Variants in NEDD4L observed in about 807,000 individuals in gnomAD.
NEDD4L encodes E3 ubiquitin-protein ligase NEDD4-like.
Under a neutral mutation model 148.9 loss-of-function variants are expected in NEDD4L, and 54 were observed. That is an observed-to-expected ratio of 0.36 (90% CI 0.29 to 0.45). NEDD4L has a LOEUF of 0.45. Among genes scored for constraint, NEDD4L ranks in the 20% least tolerant of loss-of-function variants. NEDD4L has a pLI of 1.00. For missense variants in NEDD4L, 856 were observed against 1,233.8 expected, an observed-to-expected ratio of 0.69 and a Z score of 4.59; for synonymous variants, 433 against 440.7, an observed-to-expected ratio of 0.98 and a Z score of 0.22.
chr18:58,248,132 A>G (rs1301291688), intron 3 of NEDD4L, among the ~76,000 whole-genome samples: 1 of 152,208 alleles, frequency 6.6e-6, no homozygotes, highest in Non-Finnish European at 1.5e-5. Context: ...TGTCTTTAAG[A>G]GGCTTATGCA....
chr18:58,324,674 C>T (rs930566552), intron 8 of NEDD4L, among the ~76,000 whole-genome samples: 6 of 152,128 alleles, frequency 3.9e-5, no homozygotes, highest in Non-Finnish European at 7.3e-5. Flanking sequence ...ACAAACATGA[C>T]GTATGGAAAG....
chr18:58,223,218 A>G (rs1424790724), intron 2 of NEDD4L, among the ~76,000 whole-genome samples: 1 of 152,084 alleles, frequency 6.6e-6, no homozygotes, highest in East Asian at 1.9e-4. Context: ...TTTCATTCCT[A>G]TTGTTTTTAT....
chr18:58,135,626 T>A (rs774163972), intron 1 of NEDD4L, among the ~76,000 whole-genome samples: 2 of 152,258 alleles, frequency 1.3e-5, no homozygotes, highest in Non-Finnish European at 2.9e-5. Flanking sequence ...TTGGCATACT[T>A]GGCCACAGCC....
intron 24 of NEDD4L, among the ~76,000 whole-genome samples, chr18:58,380,251 T>C (rs1481362137): frequency 4.0e-5 from 6 of 151,234 alleles, no homozygotes; most frequent in African/African-American, 1.5e-4. Context: ...AGATTTTTTT[T>C]TTTACAGAAG....
At chr18:58,255,776 C>T in intron 5 of NEDD4L, 1 of 1,232,516 alleles carries the variant, frequency 8.1e-7, no homozygotes, top group Non-Finnish European at 1.0e-6. Context: ...CAGCCCGCAC[C>T]CCTTCGCCCA....
chr18:58,315,047 C>T (rs1171259547), intron 5 of NEDD4L, among the ~76,000 whole-genome samples: 1 of 152,188 alleles, frequency 6.6e-6, no homozygotes, highest in Non-Finnish European at 1.5e-5. Flanking sequence ...TTAGGTGGCT[C>T]AAGCTGGCTA....
chr18:58,259,540 G>A (rs990027118), intron 5 of NEDD4L, among the ~76,000 whole-genome samples: 1 of 152,152 alleles, frequency 6.6e-6, no homozygotes, highest in Non-Finnish European at 1.5e-5. Context: ...ATGCCATTTT[G>A]TGCATAATAA....
intron 1 of NEDD4L, among the ~76,000 whole-genome samples, chr18:58,094,944 A>G (rs1270972960): frequency 6.6e-6 from 1 of 151,174 alleles, no homozygotes; most frequent in African/African-American, 2.4e-5. Flanking sequence ...TTCATGGCCT[A>G]TGAGTTTAAA....
At chr18:58,387,369 TG>T (rs1568936846) in intron 26 of NEDD4L, 69 bp from the exon 27 acceptor site, 5 of 1,452,366 alleles carry the variant, frequency 3.4e-6, no homozygotes, top group Non-Finnish European at 4.5e-6. Context: ...CAGAAAAGTT[TG>T]TTTTTCCTGT....
intron 2 of NEDD4L, among the ~76,000 whole-genome samples, chr18:58,214,634 TG>T (rs1456687181): frequency 2.7e-5 from 4 of 150,518 alleles, no homozygotes; most frequent in Non-Finnish European, 5.9e-5. Flanking sequence ...TGTGTGTGTG[TG>T]TGTGTGTGTT....
intron 1 of NEDD4L, among the ~76,000 whole-genome samples, chr18:58,164,825 A>T (rs961027065): frequency 2.0e-5 from 3 of 152,148 alleles, no homozygotes; most frequent in African/African-American, 7.2e-5. Flanking sequence ...CTTGGTTATA[A>T]CTGCAGGCTC....
At chr18:58,202,585 C>G (rs147926423) in intron 2 of NEDD4L, among the ~76,000 whole-genome samples, 7 of 152,234 alleles carry the variant, frequency 4.6e-5, no homozygotes, top group African/African-American at 1.4e-4. Context: ...CTTTTCAACA[C>G]GTGGATTTGC....
At chr18:58,204,574 C>G (rs1285971717) in intron 2 of NEDD4L, among the ~76,000 whole-genome samples, 1 of 152,122 alleles carries the variant, frequency 6.6e-6, no homozygotes, top group Non-Finnish European at 1.5e-5. Flanking sequence ...CTTGGGATTG[C>G]TCCAACCAAA....
intron 5 of NEDD4L, among the ~76,000 whole-genome samples, chr18:58,269,409 T>A (rs1187540928): frequency 2.6e-5 from 4 of 152,030 alleles, no homozygotes; most frequent in Non-Finnish European, 1.5e-5. Context: ...GCAAAAAGGA[T>A]TAGGTATTAC....
chr18:58,138,345 TTCCCTCCCCTCC>T (rs2033093835), intron 1 of NEDD4L, among the ~76,000 whole-genome samples: 1 of 141,606 alleles, frequency 7.1e-6, no homozygotes, highest in Non-Finnish European at 1.5e-5. Flanking sequence ...CCTCCTCCTC[TTCCCTCCCCTCC>T]TCCTCTTCCC....
intron 13 of NEDD4L, among the ~76,000 whole-genome samples, chr18:58,336,623 T>C (rs1052839439): frequency 6.6e-6 from 1 of 152,212 alleles, no homozygotes; most frequent in Admixed American, 6.5e-5. Context: ...TGTTGTATTT[T>C]GCTATAACTG....
At chr18:58,105,494 T>A (rs2085019289) in intron 1 of NEDD4L, among the ~76,000 whole-genome samples, 1 of 152,142 alleles carries the variant, frequency 6.6e-6, no homozygotes, top group Admixed American at 6.5e-5. Flanking sequence ...TGAACCTAAT[T>A]ATTATGACAT....
At chr18:58,294,539 C>T (rs1485030283) in intron 5 of NEDD4L, among the ~76,000 whole-genome samples, 1 of 152,114 alleles carries the variant, frequency 6.6e-6, no homozygotes, top group African/African-American at 2.4e-5. Context: ...AGTGATTTTT[C>T]TTCCACAAAT....
At chr18:58,285,494 C>T (rs2053765988) in intron 5 of NEDD4L, among the ~76,000 whole-genome samples, 2 of 152,116 alleles carry the variant, frequency 1.3e-5, no homozygotes, top group Admixed American at 6.6e-5. Flanking sequence ...ATACAGAATT[C>T]AGATTCCTCT....
Sources: allele counts gnomAD v4.1 joint callset (sites outside exome capture counted in the v4.1 genomes callset), GRCh38; gene constraint gnomAD v4.1.1; transcripts MANE v1.5; gene names NCBI Gene and HGNC (gene_info 2026-07-23, HGNC 2026-07-21).